Variants in RAB22A observed in about 807,000 individuals in gnomAD.
The protein encoded by RAB22A is ras-related protein Rab-22A.
RAB22A carries 13 observed loss-of-function variants against 30.2 expected under a neutral mutation model. That is an observed-to-expected ratio of 0.43 (90% confidence interval 0.28 to 0.68). RAB22A has a LOEUF of 0.68. RAB22A is among the 30% of genes least tolerant of loss of function. RAB22A has a pLI of 0.18. For missense variants in RAB22A, 177 were observed against 246.8 expected, an observed-to-expected ratio of 0.72 and a Z score of 1.89; for synonymous variants, 89 against 87.2, an observed-to-expected ratio of 1.02 and a Z score of -0.11.
chr20:58,337,701 C>T (rs1175875367), intron 2 of RAB22A, among the ~76,000 whole-genome samples: 1 of 152,160 alleles, frequency 6.6e-6, no homozygotes, highest in African/African-American at 2.4e-5. Context: ...ACAGATTGCC[C>T]AGTACAAATA....
intron 2 of RAB22A, among the ~76,000 whole-genome samples, chr20:58,333,970 ATTGC>A (rs1986702483): frequency 6.6e-6 from 1 of 152,050 alleles, no homozygotes; most frequent in African/African-American, 2.4e-5. Context: ...AGGTGGGAGG[ATTGC>A]TTGAGCCCAG....
intron 1 of RAB22A, among the ~76,000 whole-genome samples, chr20:58,310,385 C>G (rs529246614): frequency 1.3e-5 from 2 of 152,132 alleles, no homozygotes; most frequent in East Asian, 3.9e-4. Flanking sequence ...AAACCAATAA[C>G]AGGTCTTTAG....
intron 2 of RAB22A, among the ~76,000 whole-genome samples, chr20:58,334,683 T>C (rs1986715752): frequency 6.6e-6 from 1 of 151,870 alleles, no homozygotes; most frequent in African/African-American, 2.4e-5. Flanking sequence ...TATCACAATG[T>C]CTGTGAATAT....
chr20:58,349,254 G>T (rs796769081), intron 3 of RAB22A, among the ~76,000 whole-genome samples: 4 of 152,324 alleles, frequency 2.6e-5, no homozygotes, highest in African/African-American at 9.6e-5. Flanking sequence ...GGACTGCAAA[G>T]GGGAGCTTTC....
intron 3 of RAB22A, chr20:58,346,119 A>C (rs1034798762): frequency 6.6e-6 from 1 of 152,414 alleles, no homozygotes; most frequent in Non-Finnish European, 1.5e-5. Context: ...ATGTATCGCA[A>C]ATAGGTTCAC....
At chr20:58,343,680 C>G in intron 2 of RAB22A, 38 bp from the exon 3 acceptor site, 6 of 1,517,310 alleles carry the variant, frequency 4.0e-6, no homozygotes, top group Non-Finnish European at 5.5e-6. Flanking sequence ...ACGTGCTTTA[C>G]ATAATTGTAT....
At chr20:58,340,959 G>A (rs183681468) in intron 2 of RAB22A, among the ~76,000 whole-genome samples, 1 of 152,128 alleles carries the variant, frequency 6.6e-6, no homozygotes, top group Non-Finnish European at 1.5e-5. Flanking sequence ...AAAGATTTGA[G>A]ACTTGAGACC....
intron 2 of RAB22A, among the ~76,000 whole-genome samples, chr20:58,325,941 A>C (rs985002409): frequency 6.6e-6 from 1 of 152,144 alleles, no homozygotes; most frequent in Non-Finnish European, 1.5e-5. Flanking sequence ...GAATGAGTTA[A>C]ATCTGTCACT....
At chr20:58,344,773 A>AG (rs1600737175) in intron 3 of RAB22A, among the ~76,000 whole-genome samples, 1 of 152,352 alleles carries the variant, frequency 6.6e-6, no homozygotes, top group East Asian at 1.9e-4. Context: ...AGACAAATGG[A>AG]GGAAAACAAA....
intron 2 of RAB22A, among the ~76,000 whole-genome samples, chr20:58,335,618 T>TA (rs1986736035): frequency 1.3e-5 from 2 of 152,340 alleles, no homozygotes; most frequent in African/African-American, 4.8e-5. Context: ...AAAGGAGGTC[T>TA]AAGAAACTGC....
At position 58,361,970 on chromosome 20, in the gene RAB22A, C is replaced by T. The variant is rs1987234975; in HGVS notation, c.*2267C>T. ...GCCCAATGTGGGTCCATCTCATCAG[C>T]CCTTTGCTGATTTCATGATTTCTCA... On this transcript the variant is annotated 3_prime_UTR_variant, in exon 7 of 7. Transcript: ENST00000244040. 2 of 152,048 alleles carry T rather than the reference C, an allele frequency of 1.3e-5. No homozygotes were observed. Among genetic ancestry groups the T allele is most frequent in the African/African-American group, 4.8e-5 (2 of 41,390 alleles). The allele number at this position is 152,048 out of a possible 1,614,324, so 9.4% of individuals were successfully genotyped here.
chr20:58,358,492 C>G (rs1454729290), intron 6 of RAB22A, among the ~76,000 whole-genome samples: 1 of 152,182 alleles, frequency 6.6e-6, no homozygotes, highest in Admixed American at 6.5e-5. Flanking sequence ...CTTCTTGCAT[C>G]TTTGTTAATA....
intron 3 of RAB22A, among the ~76,000 whole-genome samples, chr20:58,352,882 C>G (rs1987076440): frequency 6.6e-6 from 1 of 152,212 alleles, no homozygotes; most frequent in African/African-American, 2.4e-5. Context: ...CCAAATGCAG[C>G]TACTTCTCTG....
intron 2 of RAB22A, among the ~76,000 whole-genome samples, chr20:58,321,640 T>C (rs1986462972): frequency 6.6e-6 from 1 of 152,206 alleles, no homozygotes; most frequent in Non-Finnish European, 1.5e-5. Flanking sequence ...ATTAAAGATT[T>C]GTCTATTTCT....
At chr20:58,336,115 T>A (rs768093591) in intron 2 of RAB22A, among the ~76,000 whole-genome samples, 2 of 152,202 alleles carry the variant, frequency 1.3e-5, no homozygotes, top group Admixed American at 6.5e-5. Flanking sequence ...GTTCAAGCGA[T>A]TCTCCTGCCT....
chr20:58,356,819 C>T (rs774869911), intron 6 of RAB22A, among the ~76,000 whole-genome samples: 1 of 152,220 alleles, frequency 6.6e-6, no homozygotes, highest in Non-Finnish European at 1.5e-5. Flanking sequence ...GAATGATCCA[C>T]TCTCATGGCT....
intron 2 of RAB22A, among the ~76,000 whole-genome samples, chr20:58,334,096 C>T (rs1385870956): frequency 6.6e-6 from 1 of 151,818 alleles, no homozygotes; most frequent in African/African-American, 2.4e-5. Context: ...TTTGGGAGGC[C>T]GAGGCAGGTG....
At chr20:58,322,497 C>T (rs1986480994) in intron 2 of RAB22A, among the ~76,000 whole-genome samples, 1 of 152,210 alleles carries the variant, frequency 6.6e-6, no homozygotes. Flanking sequence ...TTTATTATGA[C>T]TGTCAATATT....
intron 2 of RAB22A, among the ~76,000 whole-genome samples, chr20:58,330,054 A>G (rs1261452705): frequency 6.6e-6 from 1 of 152,202 alleles, no homozygotes; most frequent in Non-Finnish European, 1.5e-5. Flanking sequence ...CTTAGCTTTT[A>G]CAGTGTATTA....
Sources: allele counts gnomAD v4.1 joint callset (sites outside exome capture counted in the v4.1 genomes callset), GRCh38; gene constraint gnomAD v4.1.1; transcripts MANE v1.5; gene names NCBI Gene and HGNC (gene_info 2026-07-23, HGNC 2026-07-21).